The following DMXL1 variants were observed in gnomAD, a reference collection of about 807,000 sequenced individuals.
The protein encoded by DMXL1 is Dmx like 1.
In DMXL1, 99 loss-of-function variants were observed where a neutral mutation model predicts 319.2. That is an observed-to-expected ratio of 0.31 (90% CI 0.26 to 0.37). DMXL1 has a LOEUF of 0.37. DMXL1 is among the 10% of genes least tolerant of loss of function. The probability of loss-of-function intolerance (pLI) is 1.00; values close to 1 mark genes in which losing one functional copy is unlikely to be tolerated. For synonymous variants in DMXL1, 1,385 were observed against 1,235.2 expected, an observed-to-expected ratio of 1.12 and a Z score of -2.54; for missense variants, 3,745 against 3,595.6, an observed-to-expected ratio of 1.04 and a Z score of -1.06.
rs1784569605 is a variant in DMXL1 at position 119,221,084 on chromosome 5, A to G, written c.8277+3A>G. On this transcript the variant is annotated splice_donor_region_variant and intron_variant, in intron 37 of 43. Coordinates refer to ENST00000539542, the MANE Select transcript of DMXL1 (RefSeq NM_001290321.3). ...AGACTGGCAGAGGAGCATCTGTGGT[A>G]TGTAAAGTTAAAAATAAATTTAAGT... The G allele has an allele frequency of 6.3e-6, 10 of 1,594,596 alleles. No individual in the cohort carries two copies. Among genetic ancestry groups the G allele is most frequent in the Non-Finnish European group, 8.5e-6 (10 of 1,171,176 alleles).
Position 119,150,188 on chromosome 5 carries a change from C to G in DMXL1, c.4361C>G (p.Thr1454Ser), listed in dbSNP as rs1157558207. Residue 1454 changes from threonine to serine, a missense_variant, in exon 18 of 44, where the codon ACT becomes AGT. This residue lies in a region of DMXL1 where 2,096 missense variants were observed against 1,985.4 expected (regional missense o/e 1.06). Coordinates refer to ENST00000539542, the MANE Select transcript of DMXL1 (RefSeq NM_001290321.3). Reference protein sequence around the residue: ...DELFQTQLLMTDTHMLETDEE... With the variant: ...DELFQTQLLMSDTHMLETDEE... ...CTTTTTCAGACTCAACTTCTAATGACTGATACTCATATGTTAGAGACAGAT... is the reference window on the plus strand; with the variant it reads ...CTTTTTCAGACTCAACTTCTAATGAGTGATACTCATATGTTAGAGACAGAT... The G allele has an allele frequency of 1.2e-6, 2 of 1,613,704 alleles. No individual in the cohort carries two copies. Among genetic ancestry groups the G allele is most frequent in the South Asian group, 2.2e-5 (2 of 91,058 alleles).
chr5:119,157,580 T>C (rs928614791), intron 19 of DMXL1, among the ~76,000 whole-genome samples: 10 of 152,214 alleles, frequency 6.6e-5, no homozygotes, highest in Non-Finnish European at 1.0e-4. Context: ...GAAGAAACTA[T>C]CCTTTCCCAT....
rs577326919 is a variant in DMXL1, at chr5:119,230,755, G to A, written c.8339-2585G>A. ...AAATTAGCTGGGCGTGGTGGCACAC[G>A]CCTGTAGTCCCATCTACTCAGGAGG... On this transcript the variant is annotated intron_variant, in intron 38 of 43. Transcript: ENST00000539542. Among the ~76,000 whole-genome samples, 3 of 152,202 alleles carry A rather than the reference G, an allele frequency of 2.0e-5. No homozygotes were observed. The South Asian group carries it at 6.2e-4, about 32-fold the overall frequency.
chr5:119,148,801 T>C lies in DMXL1; in HGVS notation c.2974T>C (p.Cys992Arg), dbSNP rs1769147668. The C allele has an allele frequency of 1.2e-6, 2 of 1,613,704 alleles. No individual in the cohort carries two copies. The highest frequency in any genetic ancestry group is 1.7e-6 in the Non-Finnish European group (2 of 1,179,722). Residue 992 changes from cysteine (C) to arginine (R), a missense_variant, in exon 18 of 44, where the codon TGT becomes CGT. Around this residue, in one of 4 missense-constraint regions of DMXL1, gnomAD observed 2,096 missense variants for 1,985.4 expected, o/e 1.06. Transcript: ENST00000539542. ...TGCTCCTTATTTATTGGCAACTTCA[T>C]GTTCAGATGAGAAAGTAAGATTCTG... ...CSAPYLLATS[C>R]SDEKVRFWRC...
At position 119,121,130 on chromosome 5, in the gene DMXL1, C is replaced by T. The variant is rs753279192; in HGVS notation, c.1093C>T (p.Pro365Ser). 19 of 1,603,798 alleles carry T rather than the reference C, an allele frequency of 1.2e-5. No homozygotes were observed. Among genetic ancestry groups the T allele is most frequent in the Non-Finnish European group, 1.5e-5 (18 of 1,176,888 alleles). ...CTTTCATATTGCAGCCAGCATCAAC[C>T]CAGCCACAGGTAATGAAACATTGTT... ...CHFHIAASIN[P>S]ATDIPLLPSI... The change falls in exon 9 of 44, where the codon CCA becomes TCA. Residue 365 changes from proline (P) to serine (S), a missense_variant. This residue lies in a region of DMXL1 where 2,096 missense variants were observed against 1,985.4 expected (regional missense o/e 1.06). Coordinates refer to ENST00000539542, the MANE Select transcript of DMXL1 (RefSeq NM_001290321.3).
At chr5:119,144,668 A>G in intron 15 of DMXL1, 30 bp downstream of exon 15, 2 of 1,398,318 alleles carry the variant, frequency 1.4e-6, no homozygotes, top group Non-Finnish European at 2.0e-6. Flanking sequence ...GGAATGAGAA[A>G]TACTATGTAC....
chr5:119,196,125 A>G (rs1477815173), intron 30 of DMXL1, among the ~76,000 whole-genome samples: 1 of 152,184 alleles, frequency 6.6e-6, no homozygotes, highest in Non-Finnish European at 1.5e-5. Context: ...GGTTACCCTA[A>G]TATTCCATAG....
chr5:119,139,552 G>A (rs538139981), intron 13 of DMXL1, among the ~76,000 whole-genome samples: 6 of 152,282 alleles, frequency 3.9e-5, no homozygotes, highest in African/African-American at 1.4e-4. Flanking sequence ...ATGGTAAAGG[G>A]TTCAATTCAA....
At chr5:119,084,424 C>T (rs1429255190) in intron 1 of DMXL1, among the ~76,000 whole-genome samples, 1 of 152,152 alleles carries the variant, frequency 6.6e-6, no homozygotes, top group Non-Finnish European at 1.5e-5. Flanking sequence ...CTGACCTTTT[C>T]CCCAAAAGCG....
chr5:119,106,984 C>T (rs976305320), intron 4 of DMXL1, among the ~76,000 whole-genome samples: 2 of 151,908 alleles, frequency 1.3e-5, no homozygotes, highest in Admixed American at 6.6e-5. Flanking sequence ...GATATGTGGA[C>T]CTTGAGAAGC....
rs755513256 is a variant in DMXL1 at position 119,170,656 on chromosome 5, A to G, written c.5865A>G (p.Pro1955=). The G allele has an allele frequency of 1.9e-6, 3 of 1,613,806 alleles. No homozygotes were observed. Among genetic ancestry groups the G allele is most frequent in the Non-Finnish European group, 2.5e-6 (3 of 1,179,904 alleles). The change falls in exon 24 of 44, where the codon CCA becomes CCG. Residue 1955 remains proline, a synonymous_variant. Transcript: ENST00000539542. ...CTCTTTCTTTTGACTGGAGCCAACC[A>G]AGTGTTGTGTTTCAGGATGACTCTT... ...NSTLSFDWSQ[P]SVVFQDDSLE...
chr5:119,083,773 G>A (rs1454274934), intron 1 of DMXL1, among the ~76,000 whole-genome samples: 2 of 152,054 alleles, frequency 1.3e-5, no homozygotes, highest in Non-Finnish European at 2.9e-5. Context: ...CCTGGCCTCA[G>A]GTGATCCGCC....
intron 39 of DMXL1, 62 bp downstream of exon 39, chr5:119,233,529 A>G: frequency 6.8e-7 from 1 of 1,480,540 alleles, no homozygotes; most frequent in Non-Finnish European, 9.3e-7. Context: ...AAATTCCACT[A>G]GTTTGGGTTT....
chr5:119,186,388 G>T (rs903599731), intron 28 of DMXL1, among the ~76,000 whole-genome samples: 5 of 152,070 alleles, frequency 3.3e-5, no homozygotes, highest in African/African-American at 4.8e-5. Flanking sequence ...CTCCCAAGTG[G>T]CTGGGACTAC....
At chr5:119,182,414 C>A (rs1488898829) in intron 28 of DMXL1, among the ~76,000 whole-genome samples, 1 of 151,956 alleles carries the variant, frequency 6.6e-6, no homozygotes, top group Admixed American at 6.6e-5. Context: ...AGATGAAATA[C>A]CCTTAAACAT....
At chr5:119,164,727 C>T in intron 20 of DMXL1, 51 bp downstream of exon 20, 4 of 1,488,902 alleles carry the variant, frequency 2.7e-6, no homozygotes, top group Non-Finnish European at 3.6e-6. Flanking sequence ...TTGGACGTTT[C>T]TTTAAATGGC....
At chr5:119,210,335 G>A (rs1238713263) in intron 34 of DMXL1, among the ~76,000 whole-genome samples, 2 of 152,200 alleles carry the variant, frequency 1.3e-5, no homozygotes, top group Admixed American at 6.5e-5. Context: ...TTTGGGTGTT[G>A]TATTTAAGAA....
Position 119,130,685 on chromosome 5 carries a change from A to G in DMXL1, c.1315+1262A>G, listed in dbSNP as rs114863941. Among the ~76,000 whole-genome samples the G allele has an allele frequency of 5.4e-3, 819 of 152,248 alleles. 3 individuals carry two copies. Among genetic ancestry groups the G allele is most frequent in the African/African-American group, 0.019 (791 of 41,544 alleles). ...CAGTCAGTAATGGGCAGTTTTTCATATCATTGTATTTAACGGCTGCTGAGT... is the reference window on the plus strand; with the variant it reads ...CAGTCAGTAATGGGCAGTTTTTCATGTCATTGTATTTAACGGCTGCTGAGT... On this transcript the variant is annotated intron_variant, in intron 10 of 43. Coordinates refer to ENST00000539542, the MANE Select transcript of DMXL1 (RefSeq NM_001290321.3).
chr5:119,193,647 A>G (rs1779096830), intron 29 of DMXL1, among the ~76,000 whole-genome samples, 181 bp from the exon 30 acceptor site: 1 of 152,188 alleles, frequency 6.6e-6, no homozygotes. Flanking sequence ...TGCTGAATGG[A>G]TGAATAAATA....
Sources: allele counts gnomAD v4.1 joint callset (sites outside exome capture counted in the v4.1 genomes callset), GRCh38; gene constraint gnomAD v4.1.1; regional missense constraint gnomAD v4.1.1; transcripts MANE v1.5; gene names NCBI Gene and HGNC (gene_info 2026-07-23, HGNC 2026-07-21).